Variants in JMY observed in about 807,000 individuals in gnomAD.
JMY encodes the protein junction-mediating and -regulatory protein.
A neutral mutation model predicts 103.3 loss-of-function variants in JMY; 46 were observed. The observed-to-expected ratio is 0.45, with a 90% CI of 0.35 to 0.57. The LOEUF (loss-of-function observed/expected upper bound fraction) is 0.57, where lower values mean the gene tolerates loss of function less well. JMY is among the 20% of genes least tolerant of loss of function. JMY has a pLI of 0.00. For missense variants in JMY, 1,238 were observed against 1,255.2 expected (o/e 0.99, Z 0.21); for synonymous variants, 526 against 489.3 (o/e 1.07, Z -0.99).
chr5:79,284,799 A>T, intron 2 of JMY: 1 of 1,577,976 alleles, frequency 6.3e-7, no homozygotes, highest in Non-Finnish European at 8.6e-7. Context: ...TATTTCTTAT[A>T]TTGAACATAG....
chr5:79,321,888 T>TA lies in JMY; in HGVS notation c.*287dup, dbSNP rs1390920956. 13 of 152,346 alleles carry TA rather than the reference T, an allele frequency of 8.5e-5. No individual in the cohort carries two copies. The East Asian group carries it at 2.5e-3, about 29-fold the overall frequency. 9.4% of individuals were successfully genotyped at this position (152,346 alleles called of 1,614,324 possible). A position where few individuals can be genotyped will look rare whatever the true frequency, so the allele number is the denominator to read the frequency against. ...CACATTCTCCTTCCATCCACATATT[T>TA]ACATCCTTGTAATGGCCAGTTAAGC... On this transcript the variant is annotated 3_prime_UTR_variant, in exon 11 of 11. Coordinates refer to ENST00000396137, the MANE Select transcript of JMY (RefSeq NM_152405.5).
At chr5:79,300,600 T>C in intron 5 of JMY, 76 bp from the exon 6 acceptor site, 1 of 1,178,514 alleles carries the variant, frequency 8.5e-7, no homozygotes, top group Non-Finnish European at 1.2e-6. Flanking sequence ...GAGCCAGTAA[T>C]GAGATTAGAA....
chr5:79,306,158 G>T (rs1371194607), intron 6 of JMY, among the ~76,000 whole-genome samples: 2 of 152,160 alleles, frequency 1.3e-5, no homozygotes, highest in South Asian at 4.1e-4. Context: ...GAAACCAGGA[G>T]GTCTATAGAA....
intron 7 of JMY, 88 bp from the exon 8 acceptor site, chr5:79,312,315 C>A: frequency 1.4e-6 from 1 of 722,238 alleles, no homozygotes; most frequent in Non-Finnish European, 2.1e-6. Flanking sequence ...CCCCTTTGGC[C>A]CACATTAGGA....
chr5:79,270,444 A>G lies in JMY; in HGVS notation c.1033-7466A>G, dbSNP rs12521202. 5.4e-3 allele frequency among the ~76,000 whole-genome samples: 140 copies of G among 26,048 alleles called. 21 individuals carry two copies. The highest frequency in any genetic ancestry group is 0.014 in the African/African-American group (123 of 9,026). 17.1% of individuals were successfully genotyped at this position (26,048 alleles called of 152,430 possible). ...ATATATTTACATAAATATTTAAAAT[A>G]TATATTTACATAAATATTTAAAATG... is the stretch of plus-strand genomic sequence containing the variant. On this transcript the variant is annotated intron_variant, in intron 1 of 10. Transcript: ENST00000396137.
At chr5:79,262,677 T>C (rs1455857092) in intron 1 of JMY, among the ~76,000 whole-genome samples, 2 of 152,292 alleles carry the variant, frequency 1.3e-5, no homozygotes, top group East Asian at 3.9e-4. Context: ...AACATGAAAC[T>C]TTATAGGAAA....
intron 4 of JMY, 37 bp from the exon 5 acceptor site, chr5:79,300,116 C>T: frequency 6.3e-7 from 1 of 1,596,656 alleles, no homozygotes; most frequent in Non-Finnish European, 8.6e-7. Context: ...CTTGTCCCCA[C>T]CAGCTAGAAA....
At chr5:79,319,673 G>A (rs979975775) in intron 10 of JMY, among the ~76,000 whole-genome samples, 6 of 151,042 alleles carry the variant, frequency 4.0e-5, no homozygotes, top group African/African-American at 9.7e-5. Flanking sequence ...CCTGTGCCTC[G>A]TGATTCAAGA....
intron 2 of JMY, among the ~76,000 whole-genome samples, chr5:79,281,357 T>A (rs1746106746): frequency 1.4e-5 from 2 of 138,684 alleles, no homozygotes; most frequent in East Asian, 4.0e-4. Flanking sequence ...AAATTAATTT[T>A]TTTTTTTTTT....
At chr5:79,296,571 T>G (rs1746569411) in intron 4 of JMY, among the ~76,000 whole-genome samples, 2 of 152,168 alleles carry the variant, frequency 1.3e-5, no homozygotes, top group South Asian at 4.1e-4. Context: ...AAGCTCAAAC[T>G]CCTGGGACTC....
chr5:79,268,612 C>T (rs113861301), intron 1 of JMY, among the ~76,000 whole-genome samples: 1 of 152,062 alleles, frequency 6.6e-6, no homozygotes, highest in African/African-American at 2.4e-5. Context: ...CTCAGCCTCC[C>T]GAGTAGCTGG....
At chr5:79,244,353 G>A (rs1217439421) in intron 1 of JMY, among the ~76,000 whole-genome samples, 1 of 152,074 alleles carries the variant, frequency 6.6e-6, no homozygotes, top group South Asian at 2.1e-4. Flanking sequence ...GCTAAAATGA[G>A]GTTAACTTAG....
chr5:79,257,767 TC>T (rs139425255), intron 1 of JMY, among the ~76,000 whole-genome samples: 4,958 of 152,126 alleles, frequency 0.033, 93 homozygotes, highest in South Asian at 0.062. Context: ...AAACAGATTA[TC>T]TTTTTTTTTT....
intron 1 of JMY, among the ~76,000 whole-genome samples, chr5:79,267,023 A>T (rs1745605225): frequency 6.6e-6 from 1 of 152,226 alleles, no homozygotes; most frequent in Admixed American, 6.5e-5. Flanking sequence ...TTGAGTTTTT[A>T]CATCAGTTTT....
At chr5:79,289,707 T>C (rs1185018394) in intron 2 of JMY, among the ~76,000 whole-genome samples, 1 of 152,136 alleles carries the variant, frequency 6.6e-6, no homozygotes, top group Non-Finnish European at 1.5e-5. Flanking sequence ...TATATTGTCA[T>C]TGTGAAAATC....
intron 1 of JMY, among the ~76,000 whole-genome samples, chr5:79,258,681 T>C (rs1386008648): frequency 1.3e-5 from 2 of 152,132 alleles, no homozygotes; most frequent in African/African-American, 4.8e-5. Flanking sequence ...AGGGATACCA[T>C]AAGCAGTTTC....
At chr5:79,258,922 G>A (rs1028572207) in intron 1 of JMY, among the ~76,000 whole-genome samples, 5 of 152,174 alleles carry the variant, frequency 3.3e-5, no homozygotes, top group South Asian at 4.1e-4. Flanking sequence ...TGGGTCTTGA[G>A]TTCTTGTCCT....
chr5:79,295,271 A>G (rs942288523), intron 4 of JMY, among the ~76,000 whole-genome samples: 1 of 152,168 alleles, frequency 6.6e-6, no homozygotes, highest in Non-Finnish European at 1.5e-5. Context: ...CAACAGAGGA[A>G]CAGCATTTTA....
intron 6 of JMY, among the ~76,000 whole-genome samples, chr5:79,305,544 G>A (rs1746856802): frequency 6.6e-6 from 1 of 152,138 alleles, no homozygotes; most frequent in Admixed American, 6.5e-5. Context: ...CCTTAGGAAA[G>A]GACACAGGGT....
Sources: gnomAD v4.1 joint callset for allele counts (sites outside exome capture counted in the v4.1 genomes callset) on GRCh38, gnomAD v4.1.1 for gene constraint, MANE v1.5 for transcripts, NCBI Gene and HGNC (gene_info 2026-07-23, HGNC 2026-07-21) for gene names.